The following DENND1A variants were observed in gnomAD, a reference collection of about 807,000 sequenced individuals.
The protein encoded by DENND1A is DENN domain containing 1A.
Under a neutral mutation model 113.7 loss-of-function variants are expected in DENND1A, and 51 were observed. That is an observed-to-expected ratio of 0.45 (90% CI 0.36 to 0.57). The LOEUF (loss-of-function observed/expected upper bound fraction) is 0.57. Ranked by LOEUF, DENND1A falls within the 20% of genes least tolerant of loss-of-function variation. The pLI is 0.00. For missense variants in DENND1A, 1,258 were observed against 1,395.9 expected (o/e 0.90, Z 1.57); for synonymous variants, 565 against 570.8 (o/e 0.99, Z 0.14).
chr9:123,823,998 C>T (rs572927942), intron 2 of DENND1A, among the ~76,000 whole-genome samples: 2 of 152,156 alleles, frequency 1.3e-5, no homozygotes, highest in Non-Finnish European at 2.9e-5. Context: ...TGTGGTATCG[C>T]ACACCTAATA....
At chr9:123,612,110 T>A (rs1374153157) in intron 10 of DENND1A, among the ~76,000 whole-genome samples, 1 of 152,246 alleles carries the variant, frequency 6.6e-6, no homozygotes, top group Non-Finnish European at 1.5e-5. Flanking sequence ...GAATGCAAAT[T>A]TGGACAAATA....
At chr9:123,750,332 C>A (rs535462032) in intron 5 of DENND1A, among the ~76,000 whole-genome samples, 3 of 152,216 alleles carry the variant, frequency 2.0e-5, no homozygotes, top group Non-Finnish European at 2.9e-5. Context: ...ATAAAACATG[C>A]AACATTCCCC....
intron 20 of DENND1A, among the ~76,000 whole-genome samples, chr9:123,410,442 G>T (rs1030482176): frequency 6.6e-6 from 1 of 152,184 alleles, no homozygotes; most frequent in African/African-American, 2.4e-5. Context: ...TGGGGGGTTT[G>T]GGCCAACCAC....
At chr9:123,608,643 A>G (rs2060277469) in intron 11 of DENND1A, among the ~76,000 whole-genome samples, 1 of 152,260 alleles carries the variant, frequency 6.6e-6, no homozygotes, top group Non-Finnish European at 1.5e-5. Flanking sequence ...CATCCGATGC[A>G]TAGCTTTGAC....
At chr9:123,442,333 C>T (rs1238747556) in intron 18 of DENND1A, among the ~76,000 whole-genome samples, 1 of 152,096 alleles carries the variant, frequency 6.6e-6, no homozygotes, top group African/African-American at 2.4e-5. Flanking sequence ...CAGGCTGAGG[C>T]TCAGTGATGA....
intron 4 of DENND1A, chr9:123,759,923 T>C (rs2131456002): frequency 6.6e-6 from 1 of 152,364 alleles, no homozygotes; most frequent in East Asian, 1.9e-4. Flanking sequence ...AGGGAAATCC[T>C]TTGAAGATGT....
At chr9:123,567,027 T>C (rs1259918204) in intron 12 of DENND1A, among the ~76,000 whole-genome samples, 1 of 151,944 alleles carries the variant, frequency 6.6e-6, no homozygotes. Context: ...AAATGTGTAT[T>C]TATATTATTA....
chr9:123,406,127 T>C (rs1358345342), intron 20 of DENND1A, among the ~76,000 whole-genome samples: 1 of 152,150 alleles, frequency 6.6e-6, no homozygotes, highest in East Asian at 1.9e-4. Context: ...GGGACACAGA[T>C]GATAGAAGCT....
At chr9:123,831,432 G>C (rs992933452) in intron 2 of DENND1A, among the ~76,000 whole-genome samples, 3 of 152,114 alleles carry the variant, frequency 2.0e-5, no homozygotes, top group Admixed American at 6.5e-5. Context: ...CACTTTAAGG[G>C]AAATTAACAA....
At chr9:123,731,201 C>T (rs1234696656) in intron 5 of DENND1A, among the ~76,000 whole-genome samples, 1 of 152,038 alleles carries the variant, frequency 6.6e-6, no homozygotes, top group Non-Finnish European at 1.5e-5. Flanking sequence ...CACGTGTATA[C>T]CTATGTAACA....
chr9:123,928,719 C>G (rs1857524930), intron 1 of DENND1A: 1 of 985,448 alleles, frequency 1.0e-6, no homozygotes, highest in Admixed American at 6.1e-5. Flanking sequence ...AAGGGTCACA[C>G]TGCACGGGCA....
intron 5 of DENND1A, among the ~76,000 whole-genome samples, chr9:123,745,546 T>G (rs910785277): frequency 3.3e-5 from 5 of 152,226 alleles, no homozygotes; most frequent in African/African-American, 9.6e-5. Flanking sequence ...TTGATTGAGC[T>G]TAATAGAATA....
At chr9:123,490,636 T>C (rs748451908) in intron 13 of DENND1A, among the ~76,000 whole-genome samples, 7 of 151,824 alleles carry the variant, frequency 4.6e-5, no homozygotes, top group Non-Finnish European at 8.8e-5. Context: ...GAATATAATG[T>C]GAGTCACATA....
intron 13 of DENND1A, among the ~76,000 whole-genome samples, chr9:123,535,498 C>T (rs1048787198): frequency 1.3e-5 from 2 of 152,206 alleles, no homozygotes; most frequent in African/African-American, 4.8e-5. Flanking sequence ...AGACCCTTCA[C>T]AATCTGGCCC....
intron 2 of DENND1A, among the ~76,000 whole-genome samples, chr9:123,818,517 TATACACAC>T (rs751180725): frequency 0.049 from 5,976 of 122,694 alleles, 167 homozygotes; most frequent in East Asian, 0.073. Flanking sequence ...TATACATACA[TATACACAC>T]ACACACACAC....
At chr9:123,766,645 T>C (rs1012627035) in intron 4 of DENND1A, among the ~76,000 whole-genome samples, 1 of 152,238 alleles carries the variant, frequency 6.6e-6, no homozygotes, top group African/African-American at 2.4e-5. Context: ...TAGGTTGTGC[T>C]CAGAGAACCT....
chr9:123,628,370 G>A (rs1376308463), intron 10 of DENND1A, among the ~76,000 whole-genome samples: 3 of 151,800 alleles, frequency 2.0e-5, no homozygotes, highest in East Asian at 1.9e-4. Flanking sequence ...AGATGACAGG[G>A]TAGAGCTCAC....
chr9:123,480,862 C>G (rs866227278), intron 13 of DENND1A, among the ~76,000 whole-genome samples: 1 of 152,182 alleles, frequency 6.6e-6, no homozygotes, highest in Admixed American at 6.5e-5. Context: ...AATGAAGCTG[C>G]TTTCCGAAAA....
intron 2 of DENND1A, among the ~76,000 whole-genome samples, chr9:123,870,339 G>A (rs373301924): frequency 8.6e-5 from 13 of 150,452 alleles, no homozygotes; most frequent in East Asian, 7.8e-4. Flanking sequence ...ATGTGATCGC[G>A]GCTCACTGCA....
Sources: allele counts gnomAD v4.1 joint callset (sites outside exome capture counted in the v4.1 genomes callset), GRCh38; gene constraint gnomAD v4.1.1; transcripts MANE v1.5; gene names NCBI Gene and HGNC (gene_info 2026-07-23, HGNC 2026-07-21).